Variants in NRXN3 observed in about 807,000 individuals in gnomAD.
NRXN3 encodes neurexin III.
Under a neutral mutation model 137.6 loss-of-function variants are expected in NRXN3, and 32 were observed. The observed-to-expected ratio is 0.23, with a 90% CI of 0.18 to 0.31. The LOEUF (loss-of-function observed/expected upper bound fraction) is 0.31. Among genes scored for constraint, NRXN3 ranks in the 10% least tolerant of loss-of-function variants. The pLI, the probability that NRXN3 is intolerant of heterozygous loss-of-function variation, is 1.00. For missense variants in NRXN3, 1,574 were observed against 2,062.5 expected, an observed-to-expected ratio of 0.76 and a Z score of 4.59; for synonymous variants, 798 against 784.5, an observed-to-expected ratio of 1.02 and a Z score of -0.29.
chr14:78,319,407 T>C (rs938937702), intron 4 of NRXN3, among the ~76,000 whole-genome samples: 7 of 152,184 alleles, frequency 4.6e-5, no homozygotes, highest in African/African-American at 1.7e-4. Context: ...TATAATTCTG[T>C]GTCTACCAGA....
intron 15 of NRXN3, among the ~76,000 whole-genome samples, chr14:79,452,038 G>A (rs1226594535): frequency 6.7e-6 from 1 of 150,188 alleles, no homozygotes; most frequent in African/African-American, 2.5e-5. Context: ...AGCTGAGCCT[G>A]AGATAAGGAC....
At chr14:78,251,010 G>A (rs1455520010) in intron 2 of NRXN3, among the ~76,000 whole-genome samples, 1 of 152,138 alleles carries the variant, frequency 6.6e-6, no homozygotes, top group Admixed American at 6.6e-5. Context: ...ATGAATATGA[G>A]TATAGTATTC....
chr14:79,650,214 A>C (rs111735374), intron 16 of NRXN3, among the ~76,000 whole-genome samples: 7 of 152,266 alleles, frequency 4.6e-5, no homozygotes, highest in African/African-American at 1.7e-4. Context: ...TTTTTTCTAC[A>C]CAGAAGAATT....
At chr14:79,549,553 A>G (rs2153746573) in intron 16 of NRXN3, among the ~76,000 whole-genome samples, 1 of 152,176 alleles carries the variant, frequency 6.6e-6, no homozygotes, top group Middle Eastern at 3.4e-3. Flanking sequence ...TGTATGCTTG[A>G]GTTTAGGGCC....
chr14:79,386,669 G>A (rs1799638833), intron 15 of NRXN3, among the ~76,000 whole-genome samples: 1 of 152,164 alleles, frequency 6.6e-6, no homozygotes, highest in Non-Finnish European at 1.5e-5. Flanking sequence ...AAAGAACAAA[G>A]CTGGAGGCAT....
At chr14:79,360,839 C>T (rs1437894157) in intron 15 of NRXN3, among the ~76,000 whole-genome samples, 1 of 152,102 alleles carries the variant, frequency 6.6e-6, no homozygotes, top group Non-Finnish European at 1.5e-5. Flanking sequence ...CCTCAGTGTC[C>T]TCATTTATAA....
At chr14:78,747,150 G>T (rs1423690204) in intron 8 of NRXN3, among the ~76,000 whole-genome samples, 3 of 152,068 alleles carry the variant, frequency 2.0e-5, no homozygotes, top group Admixed American at 6.5e-5. Context: ...TTGAAAGTCT[G>T]GTGTTTCACA....
chr14:79,757,511 T>G (rs1603465952), intron 19 of NRXN3, among the ~76,000 whole-genome samples: 1 of 152,188 alleles, frequency 6.6e-6, no homozygotes, highest in African/African-American at 2.4e-5. Context: ...CTCCCTGCAG[T>G]TTTAATTAGC....
At chr14:79,755,617 T>A (rs542680547) in intron 19 of NRXN3, among the ~76,000 whole-genome samples, 128 of 152,132 alleles carry the variant, frequency 8.4e-4, no homozygotes, top group African/African-American at 3.0e-3. Flanking sequence ...CCTACCATTC[T>A]TATTGTCTTC....
intron 4 of NRXN3, among the ~76,000 whole-genome samples, chr14:78,480,372 G>C (rs1007364947): frequency 2.0e-5 from 3 of 152,058 alleles, no homozygotes; most frequent in African/African-American, 7.2e-5. Flanking sequence ...AATTTTAGAG[G>C]ATATTAAAAT....
chr14:79,212,892 AG>A (rs1179209483), intron 15 of NRXN3, among the ~76,000 whole-genome samples: 1 of 151,846 alleles, frequency 6.6e-6, no homozygotes, highest in Non-Finnish European at 1.5e-5. Flanking sequence ...AAGCAACTTG[AG>A]GGACAAAAGT....
intron 4 of NRXN3, among the ~76,000 whole-genome samples, chr14:78,462,692 G>A (rs561759723): frequency 3.2e-4 from 49 of 152,244 alleles, no homozygotes; most frequent in African/African-American, 1.0e-3. Context: ...TTGGCAAAAC[G>A]AATACATAAC....
At chr14:78,199,770 T>C (rs1415861842) in intron 1 of NRXN3, among the ~76,000 whole-genome samples, 2 of 152,216 alleles carry the variant, frequency 1.3e-5, no homozygotes, top group Non-Finnish European at 2.9e-5. Context: ...TGATGAGCCC[T>C]GAAGGCTGTT....
intron 15 of NRXN3, among the ~76,000 whole-genome samples, chr14:79,261,179 G>A (rs2077524346): frequency 6.6e-6 from 1 of 152,098 alleles, no homozygotes; most frequent in Admixed American, 6.5e-5. Flanking sequence ...GGAGACACAG[G>A]GAGAAGAAAC....
At chr14:79,082,537 T>C (rs10150906) in intron 15 of NRXN3, among the ~76,000 whole-genome samples, 6,600 of 152,098 alleles carry the variant, frequency 0.043, 523 homozygotes, top group African/African-American at 0.15. Context: ...GTGAGCATCA[T>C]GGAAATTTAG....
chr14:79,282,459 G>A (rs547903394), intron 15 of NRXN3, among the ~76,000 whole-genome samples: 1 of 152,200 alleles, frequency 6.6e-6, no homozygotes, highest in East Asian at 1.9e-4. Flanking sequence ...AATTTGCAGA[G>A]CAGTACTTCC....
chr14:78,689,434 T>C (rs185760977), intron 6 of NRXN3, among the ~76,000 whole-genome samples: 70 of 152,308 alleles, frequency 4.6e-4, no homozygotes, highest in African/African-American at 1.7e-3. Context: ...ATTTGAGTAC[T>C]TATTAAATGC....
At chr14:79,696,986 C>T (rs375048216) in intron 18 of NRXN3, among the ~76,000 whole-genome samples, 1 of 151,862 alleles carries the variant, frequency 6.6e-6, no homozygotes, top group African/African-American at 2.4e-5. Context: ...GAATTTATCT[C>T]TCATGATTTT....
chr14:79,487,710 G>C (rs1416504241), intron 16 of NRXN3, among the ~76,000 whole-genome samples: 2 of 151,092 alleles, frequency 1.3e-5, no homozygotes, highest in African/African-American at 4.9e-5. Flanking sequence ...GAGAGCCTGT[G>C]TTACAACCTT....
Sources: gnomAD v4.1 joint callset for allele counts (sites outside exome capture counted in the v4.1 genomes callset) on GRCh38, gnomAD v4.1.1 for gene constraint, MANE v1.5 for transcripts, NCBI Gene and HGNC (gene_info 2026-07-23, HGNC 2026-07-21) for gene names.